The following RIT2 variants were observed in gnomAD, a reference collection of about 807,000 sequenced individuals.
RIT2 encodes the protein Ras like without CAAX 2.
A neutral mutation model predicts 23.7 loss-of-function variants in RIT2; 24 were observed. The ratio of observed to expected loss-of-function variants is 1.01; its 90% CI spans 0.73 to 1.43. The LOEUF is 1.43. Ranked by LOEUF, RIT2 falls within the 40% of genes most tolerant of loss-of-function variation. The pLI is 0.00. For missense variants in RIT2, 236 were observed against 266.9 expected (o/e 0.88, Z 0.81); for synonymous variants, 107 against 91.1 (o/e 1.17, Z -0.99).
intron 1 of RIT2, among the ~76,000 whole-genome samples, chr18:43,039,854 A>G (rs1255381196): frequency 1.3e-5 from 2 of 152,198 alleles, no homozygotes. Context: ...TTCTTGAAGT[A>G]TAGATCTTCA....
At chr18:42,995,082 C>T (rs960963604) in intron 2 of RIT2, among the ~76,000 whole-genome samples, 1 of 152,138 alleles carries the variant, frequency 6.6e-6, no homozygotes. Flanking sequence ...CCTGATCACA[C>T]TTAGTTTATT....
chr18:42,762,327 C>T (rs1913321509), intron 4 of RIT2, among the ~76,000 whole-genome samples: 1 of 152,128 alleles, frequency 6.6e-6, no homozygotes, highest in South Asian at 2.1e-4. Flanking sequence ...CTTCAACCTG[C>T]AGAATCTTAA....
intron 1 of RIT2, among the ~76,000 whole-genome samples, chr18:43,102,780 A>AG (rs1279960064): frequency 6.6e-6 from 1 of 151,852 alleles, no homozygotes; most frequent in Non-Finnish European, 1.5e-5. Flanking sequence ...CAGCTTCCTG[A>AG]GTAGCTGGGA....
At chr18:43,053,144 G>C (rs917443282) in intron 1 of RIT2, among the ~76,000 whole-genome samples, 1 of 151,984 alleles carries the variant, frequency 6.6e-6, no homozygotes, top group South Asian at 2.1e-4. Flanking sequence ...TTGCAATGCT[G>C]CTCCTTGTTA....
At chr18:42,995,267 T>A (rs12051967) in intron 2 of RIT2, among the ~76,000 whole-genome samples, 131,902 of 151,858 alleles carry the variant, frequency 0.87, 58,175 homozygotes, top group Middle Eastern at 0.96. Context: ...CTCAGGGATT[T>A]TTCAGGCCCC....
At chr18:42,978,257 C>T (rs1255752276) in intron 2 of RIT2, among the ~76,000 whole-genome samples, 1 of 151,376 alleles carries the variant, frequency 6.6e-6, no homozygotes, top group Non-Finnish European at 1.5e-5. Flanking sequence ...TTCAAAGGGA[C>T]TTGATGAGAA....
At chr18:42,931,492 G>A (rs1189979128) in intron 3 of RIT2, among the ~76,000 whole-genome samples, 4 of 152,100 alleles carry the variant, frequency 2.6e-5, no homozygotes, top group African/African-American at 7.2e-5. Flanking sequence ...GGAGGAAAGA[G>A]GAATCTTACT....
At chr18:42,989,673 T>C (rs1022539443) in intron 2 of RIT2, among the ~76,000 whole-genome samples, 1 of 152,192 alleles carries the variant, frequency 6.6e-6, no homozygotes, top group Non-Finnish European at 1.5e-5. Context: ...ATGGTTACTG[T>C]GTTGGCCAAG....
At chr18:43,108,556 T>C (rs1316065468) in intron 1 of RIT2, among the ~76,000 whole-genome samples, 1 of 152,174 alleles carries the variant, frequency 6.6e-6, no homozygotes, top group Non-Finnish European at 1.5e-5. Flanking sequence ...TACATGCTCG[T>C]TCATCTCCAG....
In RIT2 at chr18:42,812,826, A is replaced by T. The variant is rs1282687146; in HGVS notation, c.427-69106T>A. 2.6e-5 allele frequency among the ~76,000 whole-genome samples: 4 copies of T among 152,346 alleles called. No homozygotes were observed. In the East Asian group the frequency reaches 7.7e-4, roughly 29 times the overall value. On this transcript the variant is annotated intron_variant, in intron 4 of 4. Transcript: ENST00000326695. ...CTGCCCAGAGACAAATCTACTCTTA[A>T]AAAAGCCCTTCATAAGCTTTAATGT...
At chr18:42,840,624 C>A (rs1317838866) in intron 4 of RIT2, among the ~76,000 whole-genome samples, 1 of 152,186 alleles carries the variant, frequency 6.6e-6, no homozygotes, top group Non-Finnish European at 1.5e-5. Flanking sequence ...GCCTCAGCCT[C>A]CCGAGTAGCT....
At chr18:42,951,851 C>A (rs1445774681) in intron 3 of RIT2, among the ~76,000 whole-genome samples, 3 of 152,048 alleles carry the variant, frequency 2.0e-5, no homozygotes, top group African/African-American at 2.4e-5. Context: ...ATAAAGACAT[C>A]CCTGAGACTA....
At chr18:43,081,637 T>A (rs1013607322) in intron 1 of RIT2, among the ~76,000 whole-genome samples, 8 of 152,136 alleles carry the variant, frequency 5.3e-5, no homozygotes, top group African/African-American at 1.9e-4. Context: ...AGAGGCTGAG[T>A]TCCTCCTAGA....
At chr18:42,768,755 T>G (rs1913482236) in intron 4 of RIT2, among the ~76,000 whole-genome samples, 1 of 152,166 alleles carries the variant, frequency 6.6e-6, no homozygotes, top group Admixed American at 6.6e-5. Context: ...CTGTTTTTCA[T>G]GGATAAGGTA....
intron 3 of RIT2, among the ~76,000 whole-genome samples, chr18:42,936,747 C>T (rs1909468994): frequency 6.6e-6 from 1 of 152,148 alleles, no homozygotes; most frequent in Non-Finnish European, 1.5e-5. Context: ...CACGGTGGCT[C>T]ACGCCTGTAA....
At chr18:42,983,297 C>T (rs1321202108) in intron 2 of RIT2, among the ~76,000 whole-genome samples, 1 of 152,024 alleles carries the variant, frequency 6.6e-6, no homozygotes, top group East Asian at 1.9e-4. Context: ...GTGGGACCAA[C>T]TAAAACCCCA....
intron 1 of RIT2, among the ~76,000 whole-genome samples, chr18:43,085,650 A>G (rs1184605787): frequency 1.3e-5 from 2 of 152,084 alleles, no homozygotes; most frequent in Non-Finnish European, 2.9e-5. Context: ...AGTTCCATCA[A>G]TGTTGTTATA....
At chr18:42,999,826 C>T (rs531075522) in intron 2 of RIT2, among the ~76,000 whole-genome samples, 166 of 152,086 alleles carry the variant, frequency 1.1e-3, no homozygotes, top group African/African-American at 3.6e-3. Context: ...ATGGCAAAAA[C>T]GGCAGACCTC....
At chr18:42,909,692 T>A (rs74998961) in intron 4 of RIT2, among the ~76,000 whole-genome samples, 4,129 of 152,158 alleles carry the variant, frequency 0.027, 205 homozygotes, top group East Asian at 0.16. Flanking sequence ...AGTTTTCAAG[T>A]TTATATTTTG....
Sources: gnomAD v4.1 joint callset for allele counts (sites outside exome capture counted in the v4.1 genomes callset) on GRCh38, gnomAD v4.1.1 for gene constraint, MANE v1.5 for transcripts, NCBI Gene and HGNC (gene_info 2026-07-23, HGNC 2026-07-21) for gene names.